MCC: variants seen among roughly 807,000 people sequenced by gnomAD.
The protein encoded by MCC is colorectal mutant cancer protein.
A neutral mutation model predicts 116.2 loss-of-function variants in MCC; 90 were observed. That is an observed-to-expected ratio of 0.77 (90% CI 0.65 to 0.92). The LOEUF (loss-of-function observed/expected upper bound fraction) is 0.92, where lower values mean the gene tolerates loss of function less well. Among genes scored for constraint, MCC ranks in the 40% least tolerant of loss-of-function variants. The probability of loss-of-function intolerance (pLI) is 0.00; values close to 1 mark genes in which losing one functional copy is unlikely to be tolerated. For synonymous variants in MCC, 578 were observed against 510.5 expected (o/e 1.13, Z -1.78); for missense variants, 1,516 against 1,312.2 (o/e 1.16, Z -2.40).
chr5:113,364,099 T>A (rs1768619375), intron 2 of MCC, among the ~76,000 whole-genome samples: 1 of 151,592 alleles, frequency 6.6e-6, no homozygotes, highest in Non-Finnish European at 1.5e-5. Flanking sequence ...GGCATGGTGG[T>A]GGGTGCCTGT....
rs998114008 is a variant in MCC at position 113,369,907 on chromosome 5, C to T, written c.415+15061G>A. Among the ~76,000 whole-genome samples the T allele has an allele frequency of 2.6e-5, 4 of 152,172 alleles. No individual in the cohort carries two copies. The East Asian group carries it at 7.7e-4, about 29-fold the overall frequency. ...CAAAATCTCTCTCTTGTCTGTTTCC[C>T]TCATTAAAACTGATTCAAGTAAAAA... On this transcript the variant is annotated intron_variant, in intron 2 of 18. Transcript: ENST00000408903.
intron 3 of MCC, among the ~76,000 whole-genome samples, chr5:113,166,705 TAA>T (rs1210505602): frequency 8.2e-6 from 1 of 122,512 alleles, no homozygotes; most frequent in African/African-American, 3.1e-5. Flanking sequence ...ATCATTTATT[TAA>T]AAAAAAAAAA....
intron 3 of MCC, among the ~76,000 whole-genome samples, chr5:113,163,010 T>C (rs552898725): frequency 1.0e-3 from 158 of 152,230 alleles, no homozygotes; most frequent in Non-Finnish European, 2.0e-3. Flanking sequence ...ACACGTGTAA[T>C]TGAATCAGCT....
In MCC at chr5:113,390,590, G is replaced by T. The variant is rs549048782; in HGVS notation, c.171-5378C>A. Among the ~76,000 whole-genome samples, 87 of 152,286 alleles carry T rather than the reference G, an allele frequency of 5.7e-4. 1 individual carries two copies. In the Middle Eastern group the frequency reaches 0.014, roughly 24 times the overall value. On this transcript the variant is annotated intron_variant, in intron 1 of 18. Transcript: ENST00000408903. ...TTCCTTTAACTTATAAAGAAATTGA[G>T]TATGAAGTGAAAATTCAGTAAAACT...
chr5:113,409,002 G>A (rs1308353769), intron 1 of MCC, among the ~76,000 whole-genome samples: 1 of 152,298 alleles, frequency 6.6e-6, no homozygotes, highest in East Asian at 1.9e-4. Context: ...AAGCAGCTTA[G>A]GACGTGGATC....
chr5:113,105,586 G>A (rs576265430), intron 6 of MCC, among the ~76,000 whole-genome samples: 24 of 152,124 alleles, frequency 1.6e-4, no homozygotes, highest in Non-Finnish European at 3.1e-4. Context: ...TGAGCTCTGA[G>A]GCAACCTTCT....
intron 3 of MCC, among the ~76,000 whole-genome samples, chr5:113,270,113 A>G (rs926435144): frequency 6.6e-6 from 1 of 152,316 alleles, no homozygotes; most frequent in Non-Finnish European, 1.5e-5. Flanking sequence ...TACCTACAGG[A>G]GGTAGATCTA....
intron 1 of MCC, among the ~76,000 whole-genome samples, chr5:113,468,744 T>C (rs1771988704): frequency 6.6e-6 from 1 of 152,214 alleles, no homozygotes; most frequent in African/African-American, 2.4e-5. Context: ...TTGGAATAGT[T>C]TCAGAAGGAA....
chr5:113,450,084 C>T (rs765745438), intron 1 of MCC, among the ~76,000 whole-genome samples: 5 of 152,096 alleles, frequency 3.3e-5, no homozygotes, highest in Non-Finnish European at 5.9e-5. Flanking sequence ...TAAGAGTTTA[C>T]GGACATTGGA....
intron 3 of MCC, among the ~76,000 whole-genome samples, chr5:113,221,372 A>T (rs1460706184): frequency 1.3e-5 from 2 of 152,356 alleles, no homozygotes; most frequent in African/African-American, 2.4e-5. Flanking sequence ...TCCTGGGCAC[A>T]GGACAAACTA....
At chr5:113,310,595 T>C (rs924556068) in intron 3 of MCC, among the ~76,000 whole-genome samples, 3 of 152,242 alleles carry the variant, frequency 2.0e-5, no homozygotes, top group Non-Finnish European at 4.4e-5. Context: ...TTTTGTTCTG[T>C]TTCTTCACAT....
At chr5:113,472,722 T>A (rs1772127232) in intron 1 of MCC, among the ~76,000 whole-genome samples, 1 of 152,234 alleles carries the variant, frequency 6.6e-6, no homozygotes, top group Non-Finnish European at 1.5e-5. Flanking sequence ...TTTAACTAAT[T>A]TACAAGATCA....
chr5:113,421,361 C>T (rs1770329116), intron 1 of MCC, among the ~76,000 whole-genome samples: 1 of 152,108 alleles, frequency 6.6e-6, no homozygotes, highest in African/African-American at 2.4e-5. Context: ...TTTACCCCCA[C>T]TGGATTTTCC....
chr5:113,365,354 C>T (rs750402105), intron 2 of MCC, among the ~76,000 whole-genome samples: 6 of 152,166 alleles, frequency 3.9e-5, no homozygotes, highest in Admixed American at 1.3e-4. Context: ...TCTGCTAAAC[C>T]GTAGCACAAG....
At chr5:113,305,952 C>T (rs573264028) in intron 3 of MCC, among the ~76,000 whole-genome samples, 7 of 152,274 alleles carry the variant, frequency 4.6e-5, no homozygotes, top group South Asian at 4.1e-4. Context: ...CACAAGTCTA[C>T]GTTGTGTCTC....
chr5:113,373,615 C>T (rs1768895170), intron 2 of MCC, among the ~76,000 whole-genome samples: 1 of 152,100 alleles, frequency 6.6e-6, no homozygotes, highest in South Asian at 2.1e-4. Context: ...AACTCTTGTT[C>T]GCTCCTCATG....
In MCC at chr5:113,122,720, G is replaced by A. The variant is rs757142930; in HGVS notation, c.991C>T (p.Pro331Ser). The stretch of plus-strand genomic sequence containing the variant: ...GTAACCATGGTAGACTGGTTTTCGG[G>A]GATAGAGACAGAGGTCTGGTCTTGG... ...MDQDQTSVSI[P>S]ENQSTMVTAD... The change falls in exon 6 of 19, where the codon CCC becomes TCC. Residue 331 changes from proline (P) to serine (S), a missense_variant. By Grantham distance (74) the Pro-to-Ser change is moderately conservative (BLOSUM62 -1). Coordinates refer to ENST00000408903, the MANE Select transcript of MCC (RefSeq NM_001085377.2). The A allele has an allele frequency of 1.2e-6, 2 of 1,614,030 alleles. No homozygotes were observed. Among genetic ancestry groups the A allele is most frequent in the African/African-American group, 2.7e-5 (2 of 74,924 alleles).
intron 1 of MCC, among the ~76,000 whole-genome samples, chr5:113,404,356 T>A (rs986288424): frequency 1.2e-4 from 19 of 152,274 alleles, no homozygotes; most frequent in African/African-American, 3.1e-4. Context: ...TGCCCTCAAA[T>A]GGCTGTAAAA....
intron 8 of MCC, among the ~76,000 whole-genome samples, chr5:113,090,768 A>G (rs1755571370): frequency 6.6e-6 from 1 of 152,236 alleles, no homozygotes; most frequent in African/African-American, 2.4e-5. Context: ...ACAACAATTG[A>G]AACTTCCCGG....
Sources: allele counts gnomAD v4.1 joint callset (sites outside exome capture counted in the v4.1 genomes callset), GRCh38; gene constraint gnomAD v4.1.1; transcripts MANE v1.5; gene names NCBI Gene and HGNC (gene_info 2026-07-23, HGNC 2026-07-21).